Variants in CCND3 observed in about 807,000 individuals in gnomAD.
The protein encoded by CCND3 is cyclin D3, also known as G1/S-specific cyclin-D3.
A neutral mutation model predicts 28.7 loss-of-function variants in CCND3; 9 were observed. The ratio of observed to expected loss-of-function variants is 0.31; its 90% CI spans 0.19 to 0.55. The LOEUF (loss-of-function observed/expected upper bound fraction) is 0.55, where lower values mean the gene tolerates loss of function less well. Ranked by LOEUF, CCND3 falls within the 20% of genes least tolerant of loss-of-function variation. The probability of loss-of-function intolerance (pLI) is 0.93; values close to 1 mark genes in which losing one functional copy is unlikely to be tolerated. For missense variants in CCND3, 315 were observed against 385.8 expected (o/e 0.82, Z 1.54); for synonymous variants, 164 against 163.9 (o/e 1.00, Z 0.00).
chr6:41,974,000 T>C (rs2127409064), intron 1 of CCND3, among the ~76,000 whole-genome samples: 1 of 152,272 alleles, frequency 6.6e-6, no homozygotes, highest in Non-Finnish European at 1.5e-5. Flanking sequence ...CTGGCCAACA[T>C]GGCAAAAACC....
rs1775743862 is a variant in CCND3, at chr6:41,935,495, G to A, written c.*445C>T. ...CCATCTAGACTATTCCCCCTCATATGTGTCTATCATGCATTAAATTTTAGA... is the reference window on the plus strand; with the variant it reads ...CCATCTAGACTATTCCCCCTCATATATGTCTATCATGCATTAAATTTTAGA... On this transcript the variant is annotated 3_prime_UTR_variant, in exon 5 of 5. Coordinates refer to ENST00000372991, the MANE Select transcript of CCND3 (RefSeq NM_001760.5). 3.4e-6 allele frequency: 1 copy of A among 295,224 alleles called. No individual in the cohort carries two copies. The highest frequency in any genetic ancestry group is 2.1e-5 in the African/African-American group (1 of 47,456). 18.3% of individuals were successfully genotyped at this position (295,224 alleles called of 1,614,324 possible).
intron 1 of CCND3, among the ~76,000 whole-genome samples, chr6:41,987,708 C>T (rs1040118067): frequency 3.3e-5 from 5 of 151,158 alleles, no homozygotes; most frequent in Admixed American, 6.6e-5. Flanking sequence ...TGCTATGTTG[C>T]CCAGACTGGT....
chr6:42,028,223 G>T (rs192788898), intron 1 of CCND3, among the ~76,000 whole-genome samples: 16 of 152,334 alleles, frequency 1.1e-4, no homozygotes, highest in African/African-American at 2.9e-4. Flanking sequence ...GAGACCTGAT[G>T]ACCTCCCTGG....
chr6:41,996,514 T>C (rs1762811179), intron 1 of CCND3, among the ~76,000 whole-genome samples: 1 of 152,068 alleles, frequency 6.6e-6, no homozygotes, highest in Admixed American at 6.6e-5. Context: ...TCAGCCTTTC[T>C]ACGAAGCCTT....
chr6:42,018,473 G>A (rs1763595771), intron 1 of CCND3: 1 of 152,204 alleles, frequency 6.6e-6, no homozygotes. Flanking sequence ...AATCTTCTCT[G>A]TATCGTTCCA....
chr6:41,935,344 G>C lies in CCND3; in HGVS notation c.*596C>G, dbSNP rs1221985563. On this transcript the variant is annotated 3_prime_UTR_variant, in exon 5 of 5. Transcript: ENST00000372991. ...CAGCAGCAAAGCTGTCAATCACACAGGAGAAGCTGAGCAGAAAGCAAAGCA... is the reference window on the plus strand; with the variant it reads ...CAGCAGCAAAGCTGTCAATCACACACGAGAAGCTGAGCAGAAAGCAAAGCA... The C allele has an allele frequency of 8.5e-6, 2 of 235,358 alleles. No homozygotes were observed. The highest frequency in any genetic ancestry group is 4.4e-5 in the African/African-American group (2 of 45,418). The allele number at this position is 235,358 out of a possible 1,614,324, so 14.6% of individuals were successfully genotyped here. A position where few individuals can be genotyped will look rare whatever the true frequency, so the allele number is the denominator to read the frequency against.
chr6:42,020,236 C>T (rs945774486), intron 1 of CCND3, among the ~76,000 whole-genome samples: 2 of 152,064 alleles, frequency 1.3e-5, no homozygotes, highest in East Asian at 1.9e-4. Flanking sequence ...GAGCAGAGAT[C>T]GTGCCACTGC....
At chr6:42,038,160 C>CCAAGCCTGGTTA (rs1764280212) in intron 1 of CCND3, among the ~76,000 whole-genome samples, 1 of 152,020 alleles carries the variant, frequency 6.6e-6, no homozygotes, top group Non-Finnish European at 1.5e-5. Flanking sequence ...ATGCCCAATT[C>CCAAGCCTGGTTA]CAAGCCTGGT....
chr6:41,950,747 C>G (rs1372972415), intron 1 of CCND3, among the ~76,000 whole-genome samples: 1 of 145,868 alleles, frequency 6.9e-6, no homozygotes, highest in Non-Finnish European at 1.5e-5. Context: ...CTCTCTCTGT[C>G]ACCCAGGCTG....
intron 1 of CCND3, among the ~76,000 whole-genome samples, chr6:42,025,317 T>C (rs1391610760): frequency 6.6e-6 from 1 of 152,126 alleles, no homozygotes; most frequent in Non-Finnish European, 1.5e-5. Context: ...GACCAAGGCC[T>C]CACAGAGGAA....
intron 1 of CCND3, among the ~76,000 whole-genome samples, chr6:42,015,429 G>A (rs1424638980): frequency 1.3e-5 from 2 of 152,204 alleles, no homozygotes; most frequent in East Asian, 3.9e-4. Context: ...AAAAAGTTAT[G>A]GCCAGGCACA....
chr6:41,954,551 C>CA (rs34116961), intron 1 of CCND3, among the ~76,000 whole-genome samples: 102 of 122,616 alleles, frequency 8.3e-4, no homozygotes, highest in Middle Eastern at 4.2e-3. Flanking sequence ...GACTCTGTCT[C>CA]AAAAAAAAAA....
chr6:41,964,205 T>TG (rs1761791035), intron 1 of CCND3, among the ~76,000 whole-genome samples: 1 of 152,290 alleles, frequency 6.6e-6, no homozygotes, highest in African/African-American at 2.4e-5. Context: ...CAAGAGGTAT[T>TG]GGGGGGTTAA....
chr6:42,015,050 A>G (rs1002676028), intron 1 of CCND3, among the ~76,000 whole-genome samples: 4 of 152,178 alleles, frequency 2.6e-5, no homozygotes, highest in African/African-American at 9.7e-5. Flanking sequence ...TACATGCACA[A>G]ACACACACGT....
chr6:42,036,070 G>A (rs528280449), intron 1 of CCND3, among the ~76,000 whole-genome samples: 3 of 147,124 alleles, frequency 2.0e-5, no homozygotes, highest in Admixed American at 1.4e-4. Flanking sequence ...AGCTTGCTGC[G>A]CAACCTCTGC....
chr6:41,991,822 C>A (rs917128219), intron 1 of CCND3, among the ~76,000 whole-genome samples: 1 of 152,170 alleles, frequency 6.6e-6, no homozygotes, highest in African/African-American at 2.4e-5. Flanking sequence ...TTTAAAGCTT[C>A]CACGTGTGAG....
intron 1 of CCND3, among the ~76,000 whole-genome samples, chr6:42,026,936 T>TA (rs1198456641): frequency 6.6e-6 from 1 of 152,198 alleles, no homozygotes; most frequent in Non-Finnish European, 1.5e-5. Context: ...CGGATCTGTA[T>TA]GGGAGAAATT....
At chr6:41,972,375 A>G (rs967903664) in intron 1 of CCND3, among the ~76,000 whole-genome samples, 1 of 152,146 alleles carries the variant, frequency 6.6e-6, no homozygotes, top group Non-Finnish European at 1.5e-5. Flanking sequence ...ATTTTCCCCT[A>G]GAGCTACAAC....
chr6:42,041,078 G>A (rs960465764), intron 1 of CCND3, among the ~76,000 whole-genome samples: 15 of 152,068 alleles, frequency 9.9e-5, no homozygotes, highest in African/African-American at 3.1e-4. Context: ...CATGTGTCTG[G>A]GAACACATGA....
Sources: gnomAD v4.1 joint callset for allele counts (sites outside exome capture counted in the v4.1 genomes callset) on GRCh38, gnomAD v4.1.1 for gene constraint, MANE v1.5 for transcripts, NCBI Gene and HGNC (gene_info 2026-07-23, HGNC 2026-07-21) for gene names.